Variants in PREX1 observed in about 807,000 individuals in gnomAD.
PREX1 encodes phosphatidylinositol 3,4,5-trisphosphate-dependent Rac exchanger 1 protein.
Under a neutral mutation model 198.3 loss-of-function variants are expected in PREX1, and 41 were observed. That is an observed-to-expected ratio of 0.21 (90% CI 0.16 to 0.27). The LOEUF is 0.27. PREX1 is among the 10% of genes least tolerant of loss of function. The pLI, the probability that PREX1 is intolerant of heterozygous loss-of-function variation, is 1.00. For missense variants in PREX1, 1,620 were observed against 2,200.7 expected (o/e 0.74, Z 5.28); for synonymous variants, 843 against 887.2 (o/e 0.95, Z 0.89).
chr20:48,739,738 A>G lies in PREX1; in HGVS notation c.415-5088T>C, dbSNP rs576964123. Among the ~76,000 whole-genome samples, 71 of 152,308 alleles carry G rather than the reference A, an allele frequency of 4.7e-4. 1 individual carries two copies. Among genetic ancestry groups the G allele is most frequent in the African/African-American group, 1.6e-3 (68 of 41,562 alleles). On this transcript the variant is annotated intron_variant, in intron 3 of 39. Transcript: ENST00000371941. ...TATGTATTTCAGGAGACCTCATCAC[A>G]TAAGAGTAAAAAACACAGACTCTAC...
At chr20:48,644,180 A>T (rs1403894161) in intron 27 of PREX1, among the ~76,000 whole-genome samples, 1 of 152,206 alleles carries the variant, frequency 6.6e-6, no homozygotes, top group South Asian at 2.1e-4. Flanking sequence ...CAGCTCTAAG[A>T]GGGCGGAGAT....
At chr20:48,834,381 T>G in the PREX1 span, among the ~76,000 whole-genome samples, 1 of 151,936 alleles carries the variant, frequency 6.6e-6, no homozygotes, top group African/African-American at 2.4e-5. Context: ...TTCCCAGAAC[T>G]GAAAGCTCAA....
chr20:48,666,687 G>A lies in PREX1; in HGVS notation c.1666-332C>T, dbSNP rs552597209. On this transcript the variant is annotated intron_variant, in intron 14 of 39. Transcript: ENST00000371941. The surrounding 1 kb of genome is among the most constrained non-coding windows in gnomAD (Gnocchi z 4.3). The stretch of plus-strand genomic sequence containing the variant: ...ACTACAGGCACCTGCCACCACGCCC[G>A]GCTAATTTTTTGTATTTTTAGTAGA... Among the ~76,000 whole-genome samples, 57 of 152,082 alleles carry A rather than the reference G, an allele frequency of 3.7e-4. No individual in the cohort carries two copies. Among genetic ancestry groups the A allele is most frequent in the Middle Eastern group, 3.4e-3 (1 of 294 alleles).
intron 15 of PREX1, among the ~76,000 whole-genome samples, chr20:48,664,619 CT>C (rs1444220777): frequency 1.3e-5 from 2 of 152,212 alleles, no homozygotes; most frequent in Non-Finnish European, 2.9e-5. Flanking sequence ...TTTACCTGTC[CT>C]GTTGAAAGGA....
At chr20:48,638,454 C>T (rs1202929493) in intron 30 of PREX1, among the ~76,000 whole-genome samples, 1 of 152,238 alleles carries the variant, frequency 6.6e-6, no homozygotes. Flanking sequence ...GCCCAACATC[C>T]TGTTCTCTTT....
intron 5 of PREX1, among the ~76,000 whole-genome samples, chr20:48,723,503 C>T (rs2089995363): frequency 6.6e-6 from 1 of 152,180 alleles, no homozygotes; most frequent in South Asian, 2.1e-4. Flanking sequence ...ATGGCCCCAA[C>T]GGGAGTCTAA....
chr20:48,775,320 T>G (rs1422910381), intron 1 of PREX1, among the ~76,000 whole-genome samples: 1 of 151,818 alleles, frequency 6.6e-6, no homozygotes, highest in Non-Finnish European at 1.5e-5. Flanking sequence ...AAGGGAGAGA[T>G]AAAGCAAGGA....
chr20:48,766,476 C>T (rs1484439359), intron 1 of PREX1, among the ~76,000 whole-genome samples: 1 of 152,248 alleles, frequency 6.6e-6, no homozygotes, highest in Non-Finnish European at 1.5e-5. Flanking sequence ...GTGCTGCAGC[C>T]AGACCGGCCT....
At chr20:48,862,074 G>A in the PREX1 span, among the ~76,000 whole-genome samples, 1 of 152,078 alleles carries the variant, frequency 6.6e-6, no homozygotes, top group Non-Finnish European at 1.5e-5. Flanking sequence ...GACAAGCTTG[G>A]TGGCACACAC....
At chr20:48,862,259 T>C in the PREX1 span, among the ~76,000 whole-genome samples, 1 of 152,068 alleles carries the variant, frequency 6.6e-6, no homozygotes, top group Non-Finnish European at 1.5e-5. Context: ...AAAAAGGCTC[T>C]TATTAAAACG....
chr20:48,795,653 G>GA lies in PREX1; in HGVS notation c.219+31988dup, dbSNP rs73623289. On this transcript the variant is annotated intron_variant, in intron 1 of 39. Coordinates refer to ENST00000371941, the MANE Select transcript of PREX1 (RefSeq NM_020820.4). Reference sequence around the variant, plus strand: ...CCAAGATGCCCATCAAGAAGGGAATGAATGTATAAACTCCAGCAGAATCGC... The same window carrying GA: ...CCAAGATGCCCATCAAGAAGGGAATGAAATGTATAAACTCCAGCAGAATCGC... 2.9e-3 allele frequency among the ~76,000 whole-genome samples: 438 copies of GA among 152,218 alleles called. 6 individuals carry two copies. Among genetic ancestry groups the GA allele is most frequent in the Admixed American group, 0.02 (310 of 15,296 alleles).
chr20:48,882,805 C>A, the PREX1 span, among the ~76,000 whole-genome samples: 1 of 151,626 alleles, frequency 6.6e-6, no homozygotes, highest in Non-Finnish European at 1.5e-5. Context: ...TTCATTGTGG[C>A]TTTAATTTGC....
chr20:48,802,714 A>G (rs1409636059), intron 1 of PREX1, among the ~76,000 whole-genome samples: 1 of 152,204 alleles, frequency 6.6e-6, no homozygotes, highest in Non-Finnish European at 1.5e-5. Flanking sequence ...TGTTTCCCCC[A>G]TGCCTGGCAC....
intron 1 of PREX1, among the ~76,000 whole-genome samples, chr20:48,763,265 C>A (rs1382445795): frequency 5.3e-5 from 8 of 152,264 alleles, no homozygotes; most frequent in African/African-American, 1.9e-4. Flanking sequence ...ATCGTCAGCA[C>A]CAGCCCTCGC....
rs181718416 is a variant in PREX1 at position 48,668,814 on chromosome 20, G to A, written c.1666-2459C>T. On this transcript the variant is annotated intron_variant, in intron 14 of 39. Coordinates refer to ENST00000371941, the MANE Select transcript of PREX1 (RefSeq NM_020820.4). ...CCATATCCAGAGCAGCCTCCCCCAC[G>A]CCGTGAGGGGCCGGCAGTGGGGAGG... 6.6e-3 allele frequency among the ~76,000 whole-genome samples: 1,003 copies of A among 152,282 alleles called. 5 individuals carry two copies. Among genetic ancestry groups the A allele is most frequent in the Admixed American group, 9.5e-3 (146 of 15,306 alleles).
intron 3 of PREX1, among the ~76,000 whole-genome samples, chr20:48,738,622 C>T (rs2090067520): frequency 6.6e-6 from 1 of 152,156 alleles, no homozygotes; most frequent in African/African-American, 2.4e-5. Context: ...CAGGAAGAAA[C>T]GGACAAACAG....
In PREX1 at chr20:48,785,571, G is replaced by A. The variant is rs550681187; in HGVS notation, c.220-37691C>T. 5.3e-5 allele frequency among the ~76,000 whole-genome samples: 8 copies of A among 152,334 alleles called. No individual in the cohort carries two copies. The East Asian group carries it at 9.7e-4, about 18-fold the overall frequency. ...AGAGCCTGGCACCAGATAGCAGAGCGGCCAGCCAGGGCTGAGCTCAGGCCT... is the reference window on the plus strand; with the variant it reads ...AGAGCCTGGCACCAGATAGCAGAGCAGCCAGCCAGGGCTGAGCTCAGGCCT... On this transcript the variant is annotated intron_variant, in intron 1 of 39. Coordinates refer to ENST00000371941, the MANE Select transcript of PREX1 (RefSeq NM_020820.4).
chr20:48,858,962 C>CAT, the PREX1 span, among the ~76,000 whole-genome samples: 3 of 152,050 alleles, frequency 2.0e-5, no homozygotes, highest in African/African-American at 7.2e-5. Flanking sequence ...GTGGTGGAAT[C>CAT]ATAGCTCACT....
In PREX1 at chr20:48,634,794, G is replaced by A. The variant is rs770247432; in HGVS notation, c.4168-19C>T. 5.0e-5 allele frequency: 80 copies of A among 1,608,086 alleles called. No homozygotes were observed. Among genetic ancestry groups the A allele is most frequent in the African/African-American group, 9.4e-5 (7 of 74,836 alleles). On this transcript the variant is annotated intron_variant, in intron 32 of 39. Coordinates refer to ENST00000371941, the MANE Select transcript of PREX1 (RefSeq NM_020820.4). ...CCTCCTTCTGCAGGAAGAAGACAGC[G>A]CGGAGGAGTCTCAGATGCCAACCCT... is the stretch of plus-strand genomic sequence containing the variant.
Sources: gnomAD v4.1 joint callset for allele counts (sites outside exome capture counted in the v4.1 genomes callset) on GRCh38, gnomAD v4.1.1 for gene constraint, Gnocchi (gnomAD v3.1) non-coding constraint, MANE v1.5 for transcripts, NCBI Gene and HGNC (gene_info 2026-07-23, HGNC 2026-07-21) for gene names.